Variants in RABGAP1L observed in about 807,000 individuals in gnomAD.
The protein encoded by RABGAP1L is rab GTPase-activating protein 1-like.
A neutral mutation model predicts 137.7 loss-of-function variants in RABGAP1L; 63 were observed. The observed-to-expected ratio is 0.46, with a 90% CI of 0.37 to 0.56. The LOEUF is 0.56. Ranked by LOEUF, RABGAP1L falls within the 20% of genes least tolerant of loss-of-function variation. RABGAP1L has a pLI of 0.00. For synonymous variants in RABGAP1L, 431 were observed against 433.7 expected (o/e 0.99, Z 0.08); for missense variants, 1,095 against 1,244.0 (o/e 0.88, Z 1.80).
At chr1:174,218,036 T>C (rs1669469328) in intron 1 of RABGAP1L, among the ~76,000 whole-genome samples, 1 of 152,174 alleles carries the variant, frequency 6.6e-6, no homozygotes, top group Admixed American at 6.5e-5. Context: ...AGGTCCCGTG[T>C]TCTTTAGCCC....
chr1:174,314,879 G>A (rs1679222643), intron 11 of RABGAP1L, among the ~76,000 whole-genome samples: 1 of 151,928 alleles, frequency 6.6e-6, no homozygotes, highest in Non-Finnish European at 1.5e-5. Context: ...AGTTTTTTTG[G>A]AATGTTTTAA....
At chr1:174,572,087 A>T (rs1668021658) in intron 13 of RABGAP1L, among the ~76,000 whole-genome samples, 2 of 152,358 alleles carry the variant, frequency 1.3e-5, no homozygotes, top group South Asian at 4.1e-4. Flanking sequence ...CTGCTAAATC[A>T]AACTGAAATG....
chr1:174,946,917 A>ATAT (rs1252382067), intron 19 of RABGAP1L, among the ~76,000 whole-genome samples: 1,275 of 59,666 alleles, frequency 0.021, 66 homozygotes, highest in Non-Finnish European at 0.027. Flanking sequence ...AAAAAAAAAA[A>ATAT]ATATATATAT....
chr1:174,747,282 A>C (rs1313311606), intron 17 of RABGAP1L, among the ~76,000 whole-genome samples: 1 of 151,696 alleles, frequency 6.6e-6, no homozygotes, highest in Admixed American at 6.6e-5. Context: ...ACACACATGT[A>C]GTCCCAGCTA....
intron 3 of RABGAP1L, among the ~76,000 whole-genome samples, chr1:174,223,578 A>G (rs531511683): frequency 6.6e-6 from 1 of 152,224 alleles, no homozygotes; most frequent in Admixed American, 6.5e-5. Context: ...TAAAATTTTA[A>G]TAAAATTATA....
intron 18 of RABGAP1L, among the ~76,000 whole-genome samples, chr1:174,770,822 G>A (rs1365511723): frequency 1.3e-5 from 2 of 152,120 alleles, no homozygotes; most frequent in South Asian, 4.1e-4. Context: ...AGAAGCCTGT[G>A]ATGGTTAGTT....
chr1:174,231,579 T>C (rs1215496019), intron 4 of RABGAP1L, among the ~76,000 whole-genome samples: 7 of 152,152 alleles, frequency 4.6e-5, no homozygotes, highest in South Asian at 4.1e-4. Flanking sequence ...GATTGGATAA[T>C]TGATAAAGAG....
intron 13 of RABGAP1L, among the ~76,000 whole-genome samples, chr1:174,629,562 T>A (rs1557924232): frequency 6.6e-6 from 1 of 151,984 alleles, no homozygotes; most frequent in African/African-American, 2.4e-5. Context: ...TGAGACGGAG[T>A]CTCGCTCTGT....
At chr1:174,319,385 A>G (rs1489498966) in intron 11 of RABGAP1L, among the ~76,000 whole-genome samples, 2 of 152,144 alleles carry the variant, frequency 1.3e-5, no homozygotes, top group East Asian at 3.8e-4. Context: ...TTGACTTTGT[A>G]TACAGGTAAC....
At chr1:174,797,470 C>T (rs997334549) in intron 18 of RABGAP1L, among the ~76,000 whole-genome samples, 12 of 132,680 alleles carry the variant, frequency 9.0e-5, no homozygotes, top group African/African-American at 3.5e-4. Context: ...TCTAAATGTG[C>T]GTGGTGTTGG....
intron 18 of RABGAP1L, among the ~76,000 whole-genome samples, chr1:174,757,611 T>A (rs1006942625): frequency 6.6e-6 from 1 of 151,112 alleles, no homozygotes; most frequent in Admixed American, 6.6e-5. Context: ...GATTTAGTAA[T>A]TTTTTATTAC....
At chr1:174,622,847 A>C (rs1463541741) in intron 13 of RABGAP1L, among the ~76,000 whole-genome samples, 3 of 152,248 alleles carry the variant, frequency 2.0e-5, no homozygotes, top group Non-Finnish European at 2.9e-5. Flanking sequence ...TAAAACTTAA[A>C]GTATATTTTA....
At chr1:174,357,753 C>T (rs1683762555) in intron 11 of RABGAP1L, among the ~76,000 whole-genome samples, 1 of 152,144 alleles carries the variant, frequency 6.6e-6, no homozygotes, top group African/African-American at 2.4e-5. Flanking sequence ...TCTATATTTC[C>T]TGAGTTGGGT....
intron 11 of RABGAP1L, among the ~76,000 whole-genome samples, chr1:174,349,952 G>T (rs1682947837): frequency 1.5e-5 from 2 of 132,754 alleles, no homozygotes; most frequent in Non-Finnish European, 3.3e-5. Flanking sequence ...GGCTGGCCGG[G>T]TGGGGGGGCT....
intron 13 of RABGAP1L, among the ~76,000 whole-genome samples, chr1:174,614,529 C>T (rs1274998607): frequency 1.3e-5 from 2 of 152,164 alleles, no homozygotes; most frequent in African/African-American, 4.8e-5. Context: ...TTCATTTCAG[C>T]TTTGGTGAAT....
At chr1:174,579,207 G>A (rs912548123) in intron 13 of RABGAP1L, among the ~76,000 whole-genome samples, 3 of 152,046 alleles carry the variant, frequency 2.0e-5, no homozygotes, top group Non-Finnish European at 4.4e-5. Flanking sequence ...TAGGTACAAA[G>A]GGATTTGATT....
chr1:174,698,349 T>G (rs529137440), intron 15 of RABGAP1L, among the ~76,000 whole-genome samples: 1 of 152,308 alleles, frequency 6.6e-6, no homozygotes, highest in South Asian at 2.1e-4. Flanking sequence ...TAAAAATACC[T>G]CTGAGAAAGC....
In RABGAP1L at chr1:174,866,685, G is replaced by T. The variant is rs548321028; in HGVS notation, c.2340+54725G>T. ...CCAGCACTTTGGGAAGCTGAGGTGG[G>T]TGAATGGCTTGAGTTTGTGAGTTCG... On this transcript the variant is annotated intron_variant, in intron 19 of 25. Coordinates refer to ENST00000681986, the MANE Select transcript of RABGAP1L (RefSeq NM_001366446.1). Among the ~76,000 whole-genome samples, 5 of 152,102 alleles carry T rather than the reference G, an allele frequency of 3.3e-5. No individual in the cohort carries two copies. The East Asian group carries it at 9.7e-4, about 29-fold the overall frequency.
At chr1:174,915,570 C>G (rs1291644793) in intron 19 of RABGAP1L, among the ~76,000 whole-genome samples, 2 of 152,202 alleles carry the variant, frequency 1.3e-5, no homozygotes, top group Non-Finnish European at 2.9e-5. Context: ...GATTCTCCTG[C>G]CTCAGCCTCC....
Sources: gnomAD v4.1 joint callset for allele counts (sites outside exome capture counted in the v4.1 genomes callset) on GRCh38, gnomAD v4.1.1 for gene constraint, MANE v1.5 for transcripts, NCBI Gene and HGNC (gene_info 2026-07-23, HGNC 2026-07-21) for gene names.